RBFOX3: variants seen among roughly 807,000 people sequenced by gnomAD.
RBFOX3 encodes the protein RNA binding protein fox-1 homolog 3.
In RBFOX3, 17 loss-of-function variants were observed where a neutral mutation model predicts 48.7. The observed-to-expected ratio is 0.35, with a 90% confidence interval of 0.24 to 0.52. The LOEUF is 0.52. Ranked by LOEUF, RBFOX3 falls within the 20% of genes least tolerant of loss-of-function variation. RBFOX3 has a pLI of 0.94. For missense variants in RBFOX3, 382 were observed against 497.5 expected, an observed-to-expected ratio of 0.77 and a Z score of 2.21; for synonymous variants, 212 against 209.5, an observed-to-expected ratio of 1.01 and a Z score of -0.10.
rs541282929 is a variant in RBFOX3, at chr17:79,249,552, G to A, written c.-73-13747C>T. 6.6e-6 allele frequency among the ~76,000 whole-genome samples: 1 copy of A among 152,040 alleles called. No homozygotes were observed. Among genetic ancestry groups the A allele is most frequent in the Admixed American group, 6.6e-5 (1 of 15,266 alleles). On this transcript the variant is annotated intron_variant, in intron 3 of 14. Coordinates refer to ENST00000693108, the MANE Select transcript of RBFOX3 (RefSeq NM_001350451.2). The surrounding 1 kb of genome is among the most constrained non-coding windows in gnomAD (Gnocchi z 4.1). ...CACCCCAAGCCCCTGCCTCTATCGG[G>A]GTCCCATGCTCCCGGAGACTGTTTA...
intron 1 of RBFOX3, among the ~76,000 whole-genome samples, chr17:79,509,899 G>T (rs893342019): frequency 1.4e-4 from 21 of 152,082 alleles, no homozygotes; most frequent in Non-Finnish European, 2.9e-4. Context: ...TATGTCATCA[G>T]CAAAGATCCT....
intron 2 of RBFOX3, among the ~76,000 whole-genome samples, chr17:79,470,973 G>A (rs2076989160): frequency 6.6e-6 from 1 of 152,116 alleles, no homozygotes; most frequent in South Asian, 2.1e-4. Flanking sequence ...CCTGAGCACA[G>A]CCCACTGCAC....
Position 79,220,308 on chromosome 17 carries a change from G to A in RBFOX3, c.-34+15458C>T, listed in dbSNP as rs961818856. Among the ~76,000 whole-genome samples, 3 of 152,212 alleles carry A rather than the reference G, an allele frequency of 2.0e-5. No individual in the cohort carries two copies. The highest frequency in any genetic ancestry group is 2.0e-4 in the Admixed American group (3 of 15,286). On this transcript the variant is annotated intron_variant, in intron 4 of 14. Coordinates refer to ENST00000693108, the MANE Select transcript of RBFOX3 (RefSeq NM_001350451.2). This position sits in a 1 kb window ranked among gnomAD's most constrained non-coding sequence, Gnocchi z 5.9. ...GGGGGTAGGGGCTTGGTCCCCCAAC[G>A]CTGGCACTCAGTTTAGCTGTCACTT... is the stretch of plus-strand genomic sequence containing the variant.
At chr17:79,387,034 C>T (rs1438829374) in intron 2 of RBFOX3, among the ~76,000 whole-genome samples, 1 of 152,200 alleles carries the variant, frequency 6.6e-6, no homozygotes, top group African/African-American at 2.4e-5. Flanking sequence ...TTCCCCACCC[C>T]ATTCACAGGC....
intron 1 of RBFOX3, among the ~76,000 whole-genome samples, chr17:79,514,186 G>A (rs1015763915): frequency 1.6e-4 from 25 of 152,170 alleles, no homozygotes; most frequent in Non-Finnish European, 3.1e-4. Flanking sequence ...AGCAGAAAAC[G>A]CGGCCAACAC....
intron 1 of RBFOX3, among the ~76,000 whole-genome samples, chr17:79,503,534 C>T (rs1406124891): frequency 1.3e-5 from 2 of 152,230 alleles, no homozygotes; most frequent in South Asian, 2.1e-4. Flanking sequence ...CTGCCTCGCA[C>T]GTGGTCTTTG....
chr17:79,596,711 A>T (rs1182191503), intron 1 of RBFOX3, among the ~76,000 whole-genome samples: 1 of 139,596 alleles, frequency 7.2e-6, no homozygotes, highest in Non-Finnish European at 1.5e-5. Flanking sequence ...AATACGGGAG[A>T]TGGAGCTGCA....
chr17:79,568,029 G>A (rs901812320), intron 1 of RBFOX3, among the ~76,000 whole-genome samples: 6 of 152,134 alleles, frequency 3.9e-5, no homozygotes, highest in African/African-American at 1.4e-4. Context: ...ATGGGTGCCC[G>A]CTCTCCAGTG....
chr17:79,224,473 G>A (rs1280777395), intron 4 of RBFOX3, among the ~76,000 whole-genome samples: 2 of 152,166 alleles, frequency 1.3e-5, no homozygotes, highest in Admixed American at 6.5e-5. Flanking sequence ...TTCCTTTAGG[G>A]TGCATTTGGG....
intron 3 of RBFOX3, among the ~76,000 whole-genome samples, chr17:79,257,251 C>A (rs770548181): frequency 2.0e-5 from 3 of 152,232 alleles, no homozygotes; most frequent in African/African-American, 7.2e-5. Context: ...CCCCAAGCCC[C>A]GAGCCCCGGG....
chr17:79,161,483 T>G (rs2046971398), intron 4 of RBFOX3, among the ~76,000 whole-genome samples: 1 of 152,224 alleles, frequency 6.6e-6, no homozygotes, highest in African/African-American at 2.4e-5. Context: ...TGCGTCTTCC[T>G]GCAACTTAAC....
chr17:79,365,501 C>T (rs1368322475), intron 2 of RBFOX3, among the ~76,000 whole-genome samples: 2 of 152,252 alleles, frequency 1.3e-5, no homozygotes, highest in African/African-American at 4.8e-5. Context: ...TTCCAATGTG[C>T]TCTAGCGCGG....
At chr17:79,505,756 G>A (rs962316534) in intron 1 of RBFOX3, among the ~76,000 whole-genome samples, 106 of 152,322 alleles carry the variant, frequency 7.0e-4, no homozygotes, top group Middle Eastern at 3.4e-3. Flanking sequence ...TCCCCACACC[G>A]CACGCCTCTA....
intron 4 of RBFOX3, among the ~76,000 whole-genome samples, chr17:79,183,916 C>A (rs370744994): frequency 3.3e-5 from 5 of 152,236 alleles, no homozygotes; most frequent in African/African-American, 1.2e-4. Flanking sequence ...CTCCTCCCCC[C>A]CGTTGCCAGC....
Position 79,363,725 on chromosome 17 carries a change from A to T in RBFOX3, c.-174-55901T>A, listed in dbSNP as rs553533393. Among the ~76,000 whole-genome samples, 80 of 150,742 alleles carry T rather than the reference A, an allele frequency of 5.3e-4. 2 individuals are homozygous for T. The South Asian group carries it at 0.016, about 30-fold the overall frequency. On this transcript the variant is annotated intron_variant, in intron 2 of 14. Transcript: ENST00000693108. This position sits in a 1 kb window ranked among gnomAD's most constrained non-coding sequence, Gnocchi z 4.7. ...CCGACACGCCTCCAGAGCCCCCAAC[A>T]CCTCCAGAGCCCTCCAGCCTCCATG...
Position 79,319,839 on chromosome 17 carries a change from CGGGCTGCT to C in RBFOX3, c.-174-12023_-174-12016del, listed in dbSNP as rs2078200060. Among the ~76,000 whole-genome samples, 3 of 51,844 alleles carry C rather than the reference CGGGCTGCT, an allele frequency of 5.8e-5. 1 individual carries two copies. Among genetic ancestry groups the C allele is most frequent in the African/African-American group, 3.1e-4 (3 of 9,732 alleles). The allele number at this position is 51,844 out of a possible 152,430, so 34.0% of individuals were successfully genotyped here. ...TCTTGTCCAGGCTGCTGGTCTTGTC[CGGGCTGCT>C]AGTCTTGCCTGGGCTGCTGGTCCTG... On this transcript the variant is annotated intron_variant, in intron 2 of 14. Transcript: ENST00000693108.
At chr17:79,317,280 T>G (rs890780837) in intron 2 of RBFOX3, among the ~76,000 whole-genome samples, 9 of 152,192 alleles carry the variant, frequency 5.9e-5, no homozygotes, top group African/African-American at 2.2e-4. Flanking sequence ...ACCCAATACA[T>G]CAAATTTTAG....
chr17:79,232,093 CG>C (rs1315761758), intron 4 of RBFOX3, among the ~76,000 whole-genome samples: 1 of 152,140 alleles, frequency 6.6e-6, no homozygotes, highest in Non-Finnish European at 1.5e-5. Context: ...CCCATTATCA[CG>C]AGAACAGCAT....
chr17:79,329,560 G>C (rs1364575241), intron 2 of RBFOX3, among the ~76,000 whole-genome samples: 2 of 152,038 alleles, frequency 1.3e-5, no homozygotes, highest in Non-Finnish European at 2.9e-5. Context: ...ATTCCACACC[G>C]TGCCCTCTCC....
Sources: allele counts gnomAD v4.1 joint callset (sites outside exome capture counted in the v4.1 genomes callset), GRCh38; gene constraint gnomAD v4.1.1; non-coding constraint Gnocchi (gnomAD v3.1); transcripts MANE v1.5; gene names NCBI Gene and HGNC (gene_info 2026-07-23, HGNC 2026-07-21).